The following TMPRSS15 variants were observed in gnomAD, a reference collection of about 807,000 sequenced individuals.
TMPRSS15 encodes enteropeptidase.
In TMPRSS15, 128 loss-of-function variants were observed where a neutral mutation model predicts 125.3. That is an observed-to-expected ratio of 1.02 (90% CI 0.89 to 1.18). The LOEUF (loss-of-function observed/expected upper bound fraction) is 1.18, where lower values mean the gene tolerates loss of function less well. Ranked by LOEUF, TMPRSS15 falls within the 50% of genes most tolerant of loss-of-function variation. The pLI is 0.00. For missense variants in TMPRSS15, 1,283 were observed against 1,212.7 expected (o/e 1.06, Z -0.86); for synonymous variants, 446 against 423.2 (o/e 1.05, Z -0.66).
In TMPRSS15 at chr21:18,413,355, C is replaced by T. The variant is rs1419154235; in HGVS notation, c.11-15026G>A. ...TCCTTCCTTCCTTCCTTCCTTCCTT[C>T]CTTCCTTTCCTTCCTTCCTTCCTTT... On this transcript the variant is annotated intron_variant, in intron 1 of 7. Coordinates refer to the TMPRSS15 transcript ENST00000422787. Among the ~76,000 whole-genome samples the T allele has an allele frequency of 2.3e-5, 3 of 132,884 alleles. No individual in the cohort carries two copies. The East Asian group carries it at 6.5e-4, about 29-fold the overall frequency. 87.2% of individuals were successfully genotyped at this position (132,884 alleles called of 152,430 possible). A position where few individuals can be genotyped will look rare whatever the true frequency, so the allele number is the denominator to read the frequency against.
chr21:18,313,207 A>G (rs554702800), intron 17 of TMPRSS15, 130 bp from the exon 18 acceptor site: 1 of 734,000 alleles, frequency 1.4e-6, no homozygotes, highest in Admixed American at 2.0e-5. Flanking sequence ...CTTGCACAGC[A>G]CTGTGACTAT....
At position 18,270,037 on chromosome 21, in the gene TMPRSS15, G is replaced by T; in HGVS notation, c.2992C>A (p.Pro998Thr). The change falls in exon 25 of 25, where the codon CCT becomes ACT. Residue 998 changes from proline to threonine, a missense_variant. Transcript: ENST00000284885. ...VTSFGYKCALPNRPGVYARVS... is the reference protein window; with the variant it reads ...VTSFGYKCALTNRPGVYARVS... ...CTGGCATACACTCCGGGGCGATTAG[G>T]CAGGGCACACTTGTATCCAAATGAG... 6.2e-7 allele frequency: 1 copy of T among 1,613,928 alleles called. No homozygotes were observed. Among genetic ancestry groups the T allele is most frequent in the Non-Finnish European group, 8.5e-7 (1 of 1,179,912 alleles).
chr21:18,408,709 A>G (rs2076158586), upstream of TMPRSS15, among the ~76,000 whole-genome samples: 1 of 152,136 alleles, frequency 6.6e-6, no homozygotes, highest in Non-Finnish European at 1.5e-5. Flanking sequence ...TTTAATAAAC[A>G]TCTTAACTAG....
intron 1 of TMPRSS15, among the ~76,000 whole-genome samples, chr21:18,427,497 G>C (rs1026336385): frequency 6.6e-6 from 1 of 152,102 alleles, no homozygotes; most frequent in East Asian, 1.9e-4. Context: ...TATGCTTTGT[G>C]AATAAAAAGC....
rs57708622 is a variant in TMPRSS15 at position 18,387,612 on chromosome 21, TACAC to T, written c.345-3838_345-3835del. 5.5e-3 allele frequency among the ~76,000 whole-genome samples: 794 copies of T among 145,224 alleles called. 3 individuals are homozygous for T. Among genetic ancestry groups the T allele is most frequent in the African/African-American group, 0.01 (410 of 39,680 alleles). On this transcript the variant is annotated intron_variant, in intron 3 of 24. Coordinates refer to ENST00000284885, the MANE Select transcript of TMPRSS15 (RefSeq NM_002772.3). ...AAGAGTAGCTACACACACACACACA[TACAC>T]ACACACACACACACACACACACACA... is the stretch of plus-strand genomic sequence containing the variant.
At chr21:18,415,191 T>A (rs2076176824) in intron 1 of TMPRSS15, among the ~76,000 whole-genome samples, 1 of 152,158 alleles carries the variant, frequency 6.6e-6, no homozygotes, top group African/African-American at 2.4e-5. Flanking sequence ...GCATGCCCAT[T>A]TTTAAATTCA....
chr21:18,406,379 G>GA (rs1300942649), upstream of TMPRSS15, among the ~76,000 whole-genome samples: 2 of 152,150 alleles, frequency 1.3e-5, no homozygotes, highest in African/African-American at 4.8e-5. Context: ...GCTGACTTCA[G>GA]TGTGCAGAGA....
intron 1 of TMPRSS15, among the ~76,000 whole-genome samples, chr21:18,477,187 A>G (rs913162700): frequency 2.0e-5 from 3 of 152,170 alleles, no homozygotes; most frequent in Non-Finnish European, 2.9e-5. Context: ...TTACCGAGTT[A>G]GAAACTGGCA....
intron 10 of TMPRSS15, among the ~76,000 whole-genome samples, chr21:18,347,866 C>G (rs2075525467): frequency 6.6e-6 from 1 of 152,086 alleles, no homozygotes; most frequent in South Asian, 2.1e-4. Context: ...CATAGTGGCT[C>G]CCATCTGTAA....
chr21:18,399,954 A>G (rs138720054), intron 1 of TMPRSS15, among the ~76,000 whole-genome samples: 2 of 152,280 alleles, frequency 1.3e-5, no homozygotes, highest in East Asian at 3.9e-4. Flanking sequence ...CTGAGAGCCA[A>G]ATCAAGAATT....
chr21:18,317,183 C>G (rs1469343333), intron 16 of TMPRSS15, among the ~76,000 whole-genome samples: 1 of 151,746 alleles, frequency 6.6e-6, no homozygotes, highest in East Asian at 1.9e-4. Context: ...TTATGATGAC[C>G]AAACATAAAG....
At chr21:18,399,174 C>T (rs778591652) in intron 1 of TMPRSS15, among the ~76,000 whole-genome samples, 33 of 151,836 alleles carry the variant, frequency 2.2e-4, no homozygotes, top group Non-Finnish European at 4.1e-4. Flanking sequence ...TGCGAGAAGA[C>T]GTAGTTTCTT....
chr21:18,388,747 A>G lies in TMPRSS15; in HGVS notation c.345-4969T>C, dbSNP rs537913189. Among the ~76,000 whole-genome samples the G allele has an allele frequency of 2.0e-5, 3 of 152,312 alleles. No individual in the cohort carries two copies. The South Asian group carries it at 6.2e-4, about 32-fold the overall frequency. On this transcript the variant is annotated intron_variant, in intron 3 of 24. Transcript: ENST00000284885. ...GTTTCATTCACCACAACGTAGACAA[A>G]TAGCTTAAAGTGAACCAACAAAAAA... is the stretch of plus-strand genomic sequence containing the variant.
intron 1 of TMPRSS15, among the ~76,000 whole-genome samples, chr21:18,472,561 A>G (rs761535767): frequency 6.6e-6 from 1 of 151,762 alleles, no homozygotes; most frequent in Non-Finnish European, 1.5e-5. Context: ...TCAAAGAACT[A>G]GCTTAAAATA....
chr21:18,364,498 C>T (rs900782879), intron 7 of TMPRSS15, among the ~76,000 whole-genome samples: 3 of 151,840 alleles, frequency 2.0e-5, no homozygotes, highest in African/African-American at 7.3e-5. Context: ...TCTTTTTATC[C>T]TTGGAATATC....
intron 8 of TMPRSS15, among the ~76,000 whole-genome samples, chr21:18,356,892 A>C (rs2075630544): frequency 6.6e-6 from 1 of 151,826 alleles, no homozygotes; most frequent in South Asian, 2.1e-4. Flanking sequence ...TGTGTGCCTC[A>C]GGATAAGCAT....
At chr21:18,385,197 A>G (rs185230965) in intron 3 of TMPRSS15, among the ~76,000 whole-genome samples, 8 of 152,330 alleles carry the variant, frequency 5.3e-5, no homozygotes, top group African/African-American at 1.9e-4. Context: ...AATCTTGTAA[A>G]TGAGAAGGTT....
chr21:18,447,032 A>T (rs1033556408), intron 1 of TMPRSS15, among the ~76,000 whole-genome samples: 1 of 152,334 alleles, frequency 6.6e-6, no homozygotes, highest in South Asian at 2.1e-4. Flanking sequence ...CAATCTGTAC[A>T]ACTCTCTAGG....
At chr21:18,378,891 G>A (rs1341273229) in intron 5 of TMPRSS15, among the ~76,000 whole-genome samples, 2 of 152,058 alleles carry the variant, frequency 1.3e-5, no homozygotes, top group Non-Finnish European at 2.9e-5. Context: ...CACAAGTGCT[G>A]TGTTAACAGG....
Sources: allele counts gnomAD v4.1 joint callset (sites outside exome capture counted in the v4.1 genomes callset), GRCh38; gene constraint gnomAD v4.1.1; transcripts MANE v1.5; gene names NCBI Gene and HGNC (gene_info 2026-07-23, HGNC 2026-07-21).